The following MLLT3 variants were observed in gnomAD, a reference collection of about 807,000 sequenced individuals.
MLLT3 encodes the protein protein AF-9.
A neutral mutation model predicts 53.2 loss-of-function variants in MLLT3; 4 were observed. That is an observed-to-expected ratio of 0.08 (90% CI 0.04 to 0.17). MLLT3 has a LOEUF of 0.17. Among genes scored for constraint, MLLT3 ranks in the 10% least tolerant of loss-of-function variants. MLLT3 has a pLI of 1.00. For missense variants in MLLT3, 569 were observed against 684.0 expected (o/e 0.83, Z 1.87); for synonymous variants, 283 against 230.6 (o/e 1.23, Z -2.06).
intron 2 of MLLT3, among the ~76,000 whole-genome samples, chr9:20,495,880 C>T (rs911419212): frequency 5.3e-5 from 8 of 152,132 alleles, no homozygotes; most frequent in African/African-American, 1.4e-4. Context: ...CATAGGCCCT[C>T]GGCTCACAGT....
intron 5 of MLLT3, among the ~76,000 whole-genome samples, chr9:20,392,939 T>A (rs1462859060): frequency 6.6e-6 from 1 of 152,180 alleles, no homozygotes; most frequent in Admixed American, 6.6e-5. Flanking sequence ...GTGGATCACC[T>A]GAGGTCAGGA....
chr9:20,435,686 C>T (rs1298121889), intron 4 of MLLT3, among the ~76,000 whole-genome samples: 2 of 151,998 alleles, frequency 1.3e-5, no homozygotes, highest in South Asian at 2.1e-4. Flanking sequence ...AAAAGGAGTA[C>T]GGGAAGACTT....
chr9:20,530,439 T>C (rs1818301840), intron 2 of MLLT3, among the ~76,000 whole-genome samples: 1 of 152,172 alleles, frequency 6.6e-6, no homozygotes, highest in African/African-American at 2.4e-5. Context: ...CAAAGCCAAG[T>C]CACCTATCAA....
At chr9:20,425,987 A>G (rs985141899) in intron 4 of MLLT3, among the ~76,000 whole-genome samples, 3 of 152,030 alleles carry the variant, frequency 2.0e-5, no homozygotes, top group African/African-American at 7.2e-5. Context: ...AATATTTTAA[A>G]TAGACAAAAT....
chr9:20,354,242 C>T (rs967519840), intron 9 of MLLT3, among the ~76,000 whole-genome samples: 2 of 152,172 alleles, frequency 1.3e-5, no homozygotes, highest in Non-Finnish European at 2.9e-5. Flanking sequence ...AGAGGGGGTA[C>T]CTCTCTTTCC....
intron 3 of MLLT3, among the ~76,000 whole-genome samples, chr9:20,449,248 T>C (rs992154388): frequency 2.0e-5 from 3 of 152,206 alleles, no homozygotes; most frequent in Admixed American, 1.3e-4. Flanking sequence ...TGAATCATCA[T>C]TGTGCCCTCA....
intron 4 of MLLT3, among the ~76,000 whole-genome samples, chr9:20,447,125 G>T (rs1823725387): frequency 6.6e-6 from 1 of 152,022 alleles, no homozygotes; most frequent in African/African-American, 2.4e-5. Context: ...AGGAACAATA[G>T]CTTTTCTTAG....
intron 5 of MLLT3, among the ~76,000 whole-genome samples, chr9:20,388,560 C>T (rs1244883177): frequency 1.3e-5 from 2 of 152,136 alleles, no homozygotes; most frequent in Non-Finnish European, 2.9e-5. Flanking sequence ...TGCACTATGG[C>T]CTGGGTGACA....
intron 5 of MLLT3, among the ~76,000 whole-genome samples, chr9:20,384,162 A>G (rs950855656): frequency 2.6e-5 from 4 of 151,974 alleles, no homozygotes; most frequent in Admixed American, 1.3e-4. Context: ...CCACATGTTA[A>G]CTTGTCTTGG....
chr9:20,513,499 G>A (rs1455217571), intron 2 of MLLT3, among the ~76,000 whole-genome samples: 1 of 152,212 alleles, frequency 6.6e-6, no homozygotes, highest in African/African-American at 2.4e-5. Context: ...AATGAGCTAT[G>A]GGCCAAGGCC....
In MLLT3 at chr9:20,541,369, C is replaced by G. The variant is rs78406246; in HGVS notation, c.193+79285G>C. On this transcript the variant is annotated intron_variant, in intron 2 of 10. Coordinates refer to ENST00000380338, the MANE Select transcript of MLLT3 (RefSeq NM_004529.4). Reference sequence around the variant, plus strand: ...ACCAGTACCAATTTTCTATGTTAGTCTGTTTTTGCACTGCAATGAAGAACT... The same window carrying G: ...ACCAGTACCAATTTTCTATGTTAGTGTGTTTTTGCACTGCAATGAAGAACT... Among the ~76,000 whole-genome samples the G allele has an allele frequency of 4.9e-4, 75 of 152,282 alleles. No homozygotes were observed. The East Asian group carries it at 0.014, about 28-fold the overall frequency.
Position 20,594,072 on chromosome 9 carries a change from C to G in MLLT3, c.193+26582G>C, listed in dbSNP as rs564384449. ...TCTCCTGCCTCAGCCTCCCAATTAGCTGGGATTACAGACACCCACCACCAC... is the reference window on the plus strand; with the variant it reads ...TCTCCTGCCTCAGCCTCCCAATTAGGTGGGATTACAGACACCCACCACCAC... On this transcript the variant is annotated intron_variant, in intron 2 of 10. Transcript: ENST00000380338. 2.0e-5 allele frequency among the ~76,000 whole-genome samples: 3 copies of G among 151,758 alleles called. No homozygotes were observed. The East Asian group carries it at 5.8e-4, about 29-fold the overall frequency.
At chr9:20,548,224 G>A (rs7848427) in intron 2 of MLLT3, among the ~76,000 whole-genome samples, 1 of 152,116 alleles carries the variant, frequency 6.6e-6, no homozygotes, top group South Asian at 2.1e-4. Context: ...AGTCAAATTT[G>A]CCTAGTGACT....
At chr9:20,464,552 A>G (rs530714751) in intron 2 of MLLT3, among the ~76,000 whole-genome samples, 4 of 152,310 alleles carry the variant, frequency 2.6e-5, no homozygotes, top group African/African-American at 7.2e-5. Flanking sequence ...TAGAATAATA[A>G]AAGTGTTATG....
chr9:20,484,238 A>G (rs557761308), intron 2 of MLLT3, among the ~76,000 whole-genome samples: 11 of 152,306 alleles, frequency 7.2e-5, no homozygotes, highest in Non-Finnish European at 1.2e-4. Flanking sequence ...AAATTTTCCT[A>G]CTAGTATCAC....
intron 2 of MLLT3, among the ~76,000 whole-genome samples, chr9:20,504,629 T>G (rs1825340912): frequency 6.6e-6 from 1 of 152,004 alleles, no homozygotes; most frequent in Non-Finnish European, 1.5e-5. Flanking sequence ...GGATATAAAA[T>G]TTCACTTGAT....
rs367553454 is a variant in MLLT3, at chr9:20,608,237, T to C, written c.193+12417A>G. Among the ~76,000 whole-genome samples the C allele has an allele frequency of 2.6e-5, 4 of 151,940 alleles. No individual in the cohort carries two copies. In the East Asian group the frequency reaches 5.8e-4, roughly 22 times the overall value. ...TATTTATTCTTCAACATAATCACCA[T>C]ATATCTAAGCAACATGATGACAGTC... is the stretch of plus-strand genomic sequence containing the variant. On this transcript the variant is annotated intron_variant, in intron 2 of 10. Transcript: ENST00000380338.
intron 2 of MLLT3, among the ~76,000 whole-genome samples, chr9:20,519,339 C>T (rs1817998120): frequency 6.6e-6 from 1 of 152,250 alleles, no homozygotes; most frequent in Non-Finnish European, 1.5e-5. Flanking sequence ...TATACAGGGA[C>T]ACTCTATACT....
At chr9:20,613,331 C>A (rs1820746780) in intron 2 of MLLT3, among the ~76,000 whole-genome samples, 2 of 152,078 alleles carry the variant, frequency 1.3e-5, no homozygotes, top group African/African-American at 4.8e-5. Flanking sequence ...CTAGCATGAT[C>A]CTCTTCACGT....
Sources: gnomAD v4.1 joint callset for allele counts (sites outside exome capture counted in the v4.1 genomes callset) on GRCh38, gnomAD v4.1.1 for gene constraint, MANE v1.5 for transcripts, NCBI Gene and HGNC (gene_info 2026-07-23, HGNC 2026-07-21) for gene names.